KLRB1: variants seen among roughly 807,000 people sequenced by gnomAD.
The protein encoded by KLRB1 is killer cell lectin-like receptor subfamily B member 1.
A neutral mutation model predicts 33.5 loss-of-function variants in KLRB1; 27 were observed. That is an observed-to-expected ratio of 0.81 (90% CI 0.59 to 1.11). The LOEUF (loss-of-function observed/expected upper bound fraction) is 1.11. Ranked by LOEUF, KLRB1 falls within the 50% of genes most tolerant of loss-of-function variation. The probability of loss-of-function intolerance (pLI) is 0.00; values close to 1 mark genes in which losing one functional copy is unlikely to be tolerated. For missense variants in KLRB1, 241 were observed against 254.1 expected (o/e 0.95, Z 0.35); for synonymous variants, 64 against 88.9 (o/e 0.72, Z 1.58).
At chr12:9,605,681 C>T (rs979366135) in intron 1 of KLRB1, among the ~76,000 whole-genome samples, 5 of 152,190 alleles carry the variant, frequency 3.3e-5, no homozygotes, top group East Asian at 1.9e-4. Flanking sequence ...ACACAATCAC[C>T]GTGCTTGCTA....
chr12:9,607,640 A>T (rs1344187703), intron 1 of KLRB1, 115 bp downstream of exon 1: 4 of 722,562 alleles, frequency 5.5e-6, no homozygotes, highest in African/African-American at 5.3e-5. Flanking sequence ...CCCGTTAAAC[A>T]TTAATATAAA....
rs1555097683 is a variant in KLRB1 at position 9,607,250 on chromosome 12, C to CTTTTTCTTTCTT, written c.85+504_85+505insAAGAAAGAAAAA. Among the ~76,000 whole-genome samples, 27 of 122,490 alleles carry CTTTTTCTTTCTT rather than the reference C, an allele frequency of 2.2e-4. 1 individual carries two copies. The highest frequency in any genetic ancestry group is 1.6e-3 in the Admixed American group (19 of 11,966). The allele number at this position is 122,490 out of a possible 152,430, so 80.4% of individuals were successfully genotyped here. ...TTCCATCCTTCCTTCCTTCCTCCTT[C>CTTTTTCTTTCTT]TCTTTTTCTTTCTTTCCTTTCCTTT... On this transcript the variant is annotated intron_variant, in intron 1 of 5. Coordinates refer to ENST00000229402, the MANE Select transcript of KLRB1 (RefSeq NM_002258.3).
intron 5 of KLRB1, among the ~76,000 whole-genome samples, chr12:9,597,728 G>A (rs974143183): frequency 7.2e-5 from 11 of 151,986 alleles, no homozygotes; most frequent in African/African-American, 1.7e-4. Context: ...AAAATACAAC[G>A]TAAGACATTC....
At position 9,601,522 on chromosome 12, in the gene KLRB1, C is replaced by T. The variant is rs771569988; in HGVS notation, c.163G>A (p.Val55Ile). 6.2e-7 allele frequency: 1 copy of T among 1,613,372 alleles called. No individual in the cohort carries two copies. The highest frequency in any genetic ancestry group is 8.5e-7 in the Non-Finnish European group (1 of 1,179,370). Residue 55 changes from valine (V) to isoleucine (I), a missense_variant, in exon 2 of 6, where the codon GTT (valine) becomes ATT (isoleucine). Physicochemically the swap from Val to Ile is conservative, Grantham distance 29 (BLOSUM62 3). Transcript: ENST00000229402. ...TTACCTGAAACACTCAACCCAGTAA[C>T]AACCAAGACAAGGAGAATAATCCCA... ...CAGIILLVLV[V>I]TGLSVSVTSL...
chr12:9,595,479 A>T (rs1864484255), intron 5 of KLRB1, 58 bp from the exon 6 acceptor site: 2 of 1,520,968 alleles, frequency 1.3e-6, no homozygotes, highest in Non-Finnish European at 9.0e-7. Flanking sequence ...AGCTATTCTC[A>T]CTTAGCCATT....
At chr12:9,598,383 T>C (rs1864510859) in intron 4 of KLRB1, 116 bp downstream of exon 4, 4 of 885,536 alleles carry the variant, frequency 4.5e-6, no homozygotes, top group East Asian at 2.5e-5. Flanking sequence ...GTCATTCAAA[T>C]TGTGAAGTCA....
At chr12:9,606,816 G>T (rs1295235530) in intron 1 of KLRB1, among the ~76,000 whole-genome samples, 1 of 141,188 alleles carries the variant, frequency 7.1e-6, no homozygotes, top group Non-Finnish European at 1.5e-5. Flanking sequence ...GAGTACAGTG[G>T]CACAATTACA....
chr12:9,607,460 C>A (rs1269691404), intron 1 of KLRB1, among the ~76,000 whole-genome samples: 1 of 146,148 alleles, frequency 6.8e-6, no homozygotes, highest in African/African-American at 2.6e-5. Context: ...CAGGGGTAAC[C>A]AATAGGCAGT....
chr12:9,603,655 C>T (rs1382288718), intron 1 of KLRB1, among the ~76,000 whole-genome samples: 3 of 149,912 alleles, frequency 2.0e-5, no homozygotes, highest in Admixed American at 6.7e-5. Context: ...AGGCTGGTCT[C>T]GAACTCCCAA....
intron 1 of KLRB1, chr12:9,606,229 G>A (rs1392798115): frequency 6.6e-6 from 1 of 152,082 alleles, no homozygotes; most frequent in East Asian, 1.9e-4. Context: ...TATCAGATTG[G>A]TAAACAATTG....
At chr12:9,605,936 A>G (rs1864594327) in intron 1 of KLRB1, among the ~76,000 whole-genome samples, 1 of 152,124 alleles carries the variant, frequency 6.6e-6, no homozygotes, top group Admixed American at 6.6e-5. Flanking sequence ...CTACCTCTAT[A>G]TTCATTTTCT....
chr12:9,602,383 C>T (rs1236230962), intron 1 of KLRB1, among the ~76,000 whole-genome samples: 2 of 151,920 alleles, frequency 1.3e-5, no homozygotes, highest in Non-Finnish European at 2.9e-5. Context: ...ATGTATTTTG[C>T]TCTGTATCTT....
intron 5 of KLRB1, among the ~76,000 whole-genome samples, chr12:9,597,588 A>G (rs1864503602): frequency 6.6e-6 from 1 of 152,038 alleles, no homozygotes; most frequent in South Asian, 2.1e-4. Flanking sequence ...ATATACTGCA[A>G]TTTTTGTCAC....
chr12:9,598,041 C>T lies in KLRB1; in HGVS notation c.530+5G>A, dbSNP rs1362925163. 9 of 1,250,694 alleles carry T rather than the reference C, an allele frequency of 7.2e-6. No homozygotes were observed. The highest frequency in any genetic ancestry group is 2.3e-5 in the East Asian group (1 of 42,706). The allele number at this position is 1,250,694 out of a possible 1,614,324, so 77.5% of individuals were successfully genotyped here. Reference sequence around the variant, plus strand: ...AATATTAAAGTTAGCTCATCTAATACTCACTCATTAGAATTTAAAAAAGAG... The same window carrying T: ...AATATTAAAGTTAGCTCATCTAATATTCACTCATTAGAATTTAAAAAAGAG... On this transcript the variant is annotated splice_donor_5th_base_variant and intron_variant, in intron 5 of 5. Coordinates refer to ENST00000229402, the MANE Select transcript of KLRB1 (RefSeq NM_002258.3).
chr12:9,607,291 T>TTTCTTTCCTTTC (rs1864617846), intron 1 of KLRB1, among the ~76,000 whole-genome samples: 2 of 111,782 alleles, frequency 1.8e-5, no homozygotes, highest in African/African-American at 8.0e-5. Context: ...TCTTTCTTTT[T>TTTCTTTCCTTTC]CTTTCTCTCC....
intron 2 of KLRB1, 139 bp from the exon 3 acceptor site, chr12:9,599,980 T>G (rs1226475631): frequency 2.4e-6 from 1 of 424,180 alleles, no homozygotes; most frequent in Non-Finnish European, 4.2e-6. Flanking sequence ...AGCGAAGTGG[T>G]AAAAAAAAAA....
intron 1 of KLRB1, among the ~76,000 whole-genome samples, chr12:9,602,287 T>A (rs1484401928): frequency 1.3e-5 from 2 of 152,208 alleles, no homozygotes; most frequent in Admixed American, 1.3e-4. Flanking sequence ...TGTAATCACA[T>A]CAATTACTAT....
Position 9,595,322 on chromosome 12 carries a change from G to A in KLRB1, c.630C>T (p.Cys210=). The A allele has an allele frequency of 6.2e-7, 1 of 1,613,172 alleles. No individual in the cohort carries two copies. Among genetic ancestry groups the A allele is most frequent in the Non-Finnish European group, 8.5e-7 (1 of 1,179,358 alleles). Residue 210 remains cysteine, a synonymous_variant, in exon 6 of 6, where the codon TGC becomes TGT. Transcript: ENST00000229402. ...TTCTCACAGGTGTTAGTTCTTTTTG[G>A]CAGATCCATCTGATTTCTGTACTAC... ...EYCSTEIRWI[C]QKELTPVRNK...
chr12:9,607,313 CT>C (rs1555097735), intron 1 of KLRB1, among the ~76,000 whole-genome samples: 1 of 100,394 alleles, frequency 1.0e-5, no homozygotes, highest in Non-Finnish European at 2.2e-5. Context: ...TTCTTTCTTT[CT>C]TCTTTTCTTT....
Sources: allele counts gnomAD v4.1 joint callset (sites outside exome capture counted in the v4.1 genomes callset), GRCh38; gene constraint gnomAD v4.1.1; transcripts MANE v1.5; gene names NCBI Gene and HGNC (gene_info 2026-07-23, HGNC 2026-07-21).